Variants in AGBL4 observed in about 807,000 individuals in gnomAD.
AGBL4 encodes AGBL carboxypeptidase 4, also known as cytosolic carboxypeptidase 6.
AGBL4 carries 58 observed loss-of-function variants against 66.4 expected under a neutral mutation model. The ratio of observed to expected loss-of-function variants is 0.87; its 90% CI spans 0.71 to 1.09. The LOEUF (loss-of-function observed/expected upper bound fraction) is 1.09. AGBL4 is among the 50% of genes least tolerant of loss of function. The probability of loss-of-function intolerance (pLI) is 0.00; values close to 1 mark genes in which losing one functional copy is unlikely to be tolerated. For synonymous variants in AGBL4, 234 were observed against 222.9 expected (o/e 1.05, Z -0.44); for missense variants, 579 against 631.0 (o/e 0.92, Z 0.88).
chr1:49,816,061 A>AT (rs895395433), intron 2 of AGBL4, among the ~76,000 whole-genome samples: 3 of 151,750 alleles, frequency 2.0e-5, no homozygotes, highest in Non-Finnish European at 4.4e-5. Context: ...CTGGCTATGT[A>AT]TTTTTTTAAG....
At chr1:49,592,545 G>C (rs1359589299) in intron 3 of AGBL4, among the ~76,000 whole-genome samples, 1 of 152,084 alleles carries the variant, frequency 6.6e-6, no homozygotes, top group African/African-American at 2.4e-5. Context: ...TTTCAGCCTG[G>C]GTACACAGTG....
chr1:49,987,991 C>A (rs1572016632), intron 1 of AGBL4, among the ~76,000 whole-genome samples: 1 of 150,904 alleles, frequency 6.6e-6, no homozygotes, highest in South Asian at 2.1e-4. Flanking sequence ...TATAATAAAT[C>A]TTTGCTATAC....
intron 6 of AGBL4, among the ~76,000 whole-genome samples, chr1:48,714,817 A>G (rs1411106258): frequency 6.6e-6 from 1 of 152,218 alleles, no homozygotes; most frequent in East Asian, 1.9e-4. Context: ...CCCATGCTCC[A>G]GACCCTACAC....
Position 49,236,025 on chromosome 1 carries a change from TA to T in AGBL4, c.377+9744del, listed in dbSNP as rs1353061160. Among the ~76,000 whole-genome samples, 3 of 151,760 alleles carry T rather than the reference TA, an allele frequency of 2.0e-5. No homozygotes were observed. The East Asian group carries it at 5.8e-4, about 29-fold the overall frequency. On this transcript the variant is annotated intron_variant, in intron 4 of 13. Coordinates refer to ENST00000371839, the MANE Select transcript of AGBL4 (RefSeq NM_032785.4). ...TTATTTATTTATTTATTTATTTATT[TA>T]TTTATTGATGATTGATTGATTGAGA...
intron 3 of AGBL4, among the ~76,000 whole-genome samples, chr1:49,665,296 T>G (rs1237810881): frequency 6.6e-6 from 1 of 152,096 alleles, no homozygotes; most frequent in Non-Finnish European, 1.5e-5. Flanking sequence ...GTTTTTTTTG[T>G]TTTTGTTTTT....
chr1:49,970,361 G>A (rs1044174583), intron 1 of AGBL4, among the ~76,000 whole-genome samples: 2 of 152,034 alleles, frequency 1.3e-5, no homozygotes, highest in African/African-American at 4.8e-5. Flanking sequence ...TCTGACAAAG[G>A]ATTAATATCA....
intron 5 of AGBL4, among the ~76,000 whole-genome samples, chr1:48,884,996 G>T (rs1650178007): frequency 7.0e-6 from 1 of 143,228 alleles, no homozygotes; most frequent in Non-Finnish European, 1.6e-5. Context: ...AAAAAAAAAA[G>T]GTAAAAAAGC....
intron 3 of AGBL4, among the ~76,000 whole-genome samples, chr1:49,572,792 TG>T (rs1644357830): frequency 6.6e-6 from 1 of 152,216 alleles, no homozygotes; most frequent in Admixed American, 6.5e-5. Context: ...GTATTAATCC[TG>T]GGTGTGTCTG....
At chr1:49,962,387 A>G (rs1275729422) in intron 1 of AGBL4, among the ~76,000 whole-genome samples, 1 of 152,136 alleles carries the variant, frequency 6.6e-6, no homozygotes, top group African/African-American at 2.4e-5. Context: ...AGCTTACATC[A>G]GGATAAATAA....
At chr1:49,062,426 T>C (rs1254781961) in intron 4 of AGBL4, among the ~76,000 whole-genome samples, 1 of 152,174 alleles carries the variant, frequency 6.6e-6, no homozygotes, top group Non-Finnish European at 1.5e-5. Context: ...TTAGAGTAGG[T>C]CCATGTTTCT....
At chr1:49,024,615 T>G (rs186385889) in intron 5 of AGBL4, among the ~76,000 whole-genome samples, 46 of 152,292 alleles carry the variant, frequency 3.0e-4, no homozygotes, top group African/African-American at 1.1e-3. Flanking sequence ...TGCTGAAGGT[T>G]TGACTGAGAA....
In AGBL4 at chr1:49,867,008, T is replaced by C. The variant is rs553548017; in HGVS notation, c.35-15490A>G. ...GTGAGGGTCTGACTGGCTTTAATGT[T>C]GTTTCCTTCTAGATTTTGAAAATAT... is the stretch of plus-strand genomic sequence containing the variant. On this transcript the variant is annotated intron_variant, in intron 1 of 13. Coordinates refer to ENST00000371839, the MANE Select transcript of AGBL4 (RefSeq NM_032785.4). Among the ~76,000 whole-genome samples, 3 of 152,090 alleles carry C rather than the reference T, an allele frequency of 2.0e-5. No individual in the cohort carries two copies. The South Asian group carries it at 6.2e-4, about 32-fold the overall frequency.
At chr1:49,794,630 T>A (rs1397127618) in intron 2 of AGBL4, among the ~76,000 whole-genome samples, 1 of 151,960 alleles carries the variant, frequency 6.6e-6, no homozygotes, top group Non-Finnish European at 1.5e-5. Context: ...TACATTGGAT[T>A]TCAATTATTT....
chr1:48,964,852 G>A (rs1341904599), intron 5 of AGBL4, among the ~76,000 whole-genome samples: 1 of 152,054 alleles, frequency 6.6e-6, no homozygotes, highest in Non-Finnish European at 1.5e-5. Context: ...TTTTTAAACA[G>A]GTATCTTTTT....
intron 3 of AGBL4, among the ~76,000 whole-genome samples, chr1:49,379,488 C>T (rs1644546121): frequency 6.6e-6 from 1 of 152,098 alleles, no homozygotes; most frequent in Admixed American, 6.6e-5. Flanking sequence ...AATACAGCTC[C>T]CCTTCAGTAT....
chr1:49,247,895 G>C (rs1228832610), intron 3 of AGBL4, among the ~76,000 whole-genome samples: 2 of 152,096 alleles, frequency 1.3e-5, no homozygotes, highest in Non-Finnish European at 2.9e-5. Flanking sequence ...CTTAAACAAA[G>C]TGGCTTGCCC....
intron 6 of AGBL4, among the ~76,000 whole-genome samples, chr1:48,673,640 C>G (rs546601583): frequency 6.6e-6 from 1 of 152,250 alleles, no homozygotes; most frequent in South Asian, 2.1e-4. Context: ...CTGAATTGTT[C>G]TGGGCTGAGA....
At chr1:49,015,261 C>T (rs1427417360) in intron 5 of AGBL4, among the ~76,000 whole-genome samples, 4 of 152,004 alleles carry the variant, frequency 2.6e-5, no homozygotes, top group African/African-American at 9.7e-5. Flanking sequence ...TTCTTTTCCC[C>T]TCATCTTTCC....
chr1:49,834,703 G>A (rs1183624032), intron 2 of AGBL4, among the ~76,000 whole-genome samples: 1 of 152,108 alleles, frequency 6.6e-6, no homozygotes, highest in African/African-American at 2.4e-5. Flanking sequence ...TCTTCTGTGG[G>A]CATTTAGTGG....
Sources: gnomAD v4.1 joint callset for allele counts (sites outside exome capture counted in the v4.1 genomes callset) on GRCh38, gnomAD v4.1.1 for gene constraint, MANE v1.5 for transcripts, NCBI Gene and HGNC (gene_info 2026-07-23, HGNC 2026-07-21) for gene names.